The following WDFY3 variants were observed in gnomAD, a reference collection of about 807,000 sequenced individuals.
WDFY3 encodes WD repeat and FYVE domain-containing protein 3.
A neutral mutation model predicts 409.6 loss-of-function variants in WDFY3; 66 were observed. The ratio of observed to expected loss-of-function variants is 0.16; its 90% CI spans 0.13 to 0.20. The LOEUF (loss-of-function observed/expected upper bound fraction) is 0.20, where lower values mean the gene tolerates loss of function less well. WDFY3 is among the 10% of genes least tolerant of loss of function. WDFY3 has a pLI of 1.00. For synonymous variants in WDFY3, 1,521 were observed against 1,537.1 expected (o/e 0.99, Z 0.25); for missense variants, 3,031 against 4,298.1 (o/e 0.71, Z 8.24).
chr4:84,715,424 G>T, intron 49 of WDFY3, 41 bp from the exon 50 acceptor site: 2 of 1,108,546 alleles, frequency 1.8e-6, no homozygotes, highest in Non-Finnish European at 2.7e-6. Flanking sequence ...AAAAACAGAA[G>T]TTCACAAATA....
intron 1 of WDFY3, among the ~76,000 whole-genome samples, chr4:84,960,304 C>T (rs1338671121): frequency 6.6e-6 from 1 of 152,158 alleles, no homozygotes; most frequent in Non-Finnish European, 1.5e-5. Context: ...TCCTGGAAGT[C>T]CTTCCAAACT....
chr4:84,914,017 T>C (rs1277075974), intron 2 of WDFY3, among the ~76,000 whole-genome samples: 2 of 152,178 alleles, frequency 1.3e-5, no homozygotes, highest in African/African-American at 4.8e-5. Context: ...TCCTGATGAT[T>C]TTCTTAGTAA....
At chr4:84,907,306 T>C (rs981072380) in intron 2 of WDFY3, among the ~76,000 whole-genome samples, 9 of 152,174 alleles carry the variant, frequency 5.9e-5, no homozygotes, top group Non-Finnish European at 1.3e-4. Context: ...AGTGACTATG[T>C]GTGACCAGAT....
chr4:84,696,619 A>T (rs1730196767), intron 57 of WDFY3, 113 bp downstream of exon 57: 1 of 1,019,694 alleles, frequency 9.8e-7, no homozygotes, highest in African/African-American at 1.6e-5. Flanking sequence ...AGATAAGGGG[A>T]CCTGGCTGTA....
chr4:84,721,997 A>C (rs139212462), intron 46 of WDFY3, among the ~76,000 whole-genome samples: 4 of 152,364 alleles, frequency 2.6e-5, no homozygotes, highest in African/African-American at 9.6e-5. Context: ...ACAGAAAGCT[A>C]TAATAGTAAG....
chr4:84,786,054 G>A lies in WDFY3; in HGVS notation c.3987C>T (p.Leu1329=), dbSNP rs775485845. ...TTGCCACTGTTAGAGACGACACAGA[G>A]AGTGCATAGAGGCCAAATGACACTT... The part of the protein sequence containing the change: ...EEKVSFGLYA[L]SVSSLTVARI... Residue 1329 remains leucine, a synonymous_variant, in exon 24 of 68, where the codon CTC becomes CTT. Transcript: ENST00000295888. 4 of 1,613,926 alleles carry A rather than the reference G, an allele frequency of 2.5e-6. No individual in the cohort carries two copies. The highest frequency in any genetic ancestry group is 3.4e-6 in the Non-Finnish European group (4 of 1,179,970).
At chr4:84,727,490 T>C (rs1286845847) in intron 44 of WDFY3, among the ~76,000 whole-genome samples, 1 of 152,110 alleles carries the variant, frequency 6.6e-6, no homozygotes, top group Non-Finnish European at 1.5e-5. Context: ...AAGCAGAGGG[T>C]AGACTGGATC....
rs1307941321 is a variant in WDFY3 at position 84,817,463 on chromosome 4, T to G, written c.1816A>C (p.Met606Leu). ...TGCATTAGCCCCAGGAGAGTGCCCA[T>G]GTCATCGTCCCCATTTGGGGAGAGC... ...LVLSPNGDDD[M>L]GTLLGLMHSA... Residue 606 changes from methionine to leucine, a missense_variant, in exon 13 of 68, where the codon ATG becomes CTG. This residue lies in a region of WDFY3 where 1,322 missense variants were observed against 1,697.9 expected (regional missense o/e 0.78). Transcript: ENST00000295888. 6.2e-7 allele frequency: 1 copy of G among 1,613,844 alleles called. No individual in the cohort carries two copies. Among genetic ancestry groups the G allele is most frequent in the Admixed American group, 1.7e-5 (1 of 59,992 alleles).
At chr4:84,919,674 G>A (rs1430350856) in intron 2 of WDFY3, among the ~76,000 whole-genome samples, 1 of 152,074 alleles carries the variant, frequency 6.6e-6, no homozygotes, top group Non-Finnish European at 1.5e-5. Flanking sequence ...TTTCTCTTTT[G>A]CTCGGCACTT....
chr4:84,789,604 A>G (rs888104600), intron 22 of WDFY3, 122 bp downstream of exon 22: 12 of 1,094,254 alleles, frequency 1.1e-5, no homozygotes, highest in Non-Finnish European at 1.5e-5. Flanking sequence ...ACTTAAAATT[A>G]AGAAAGTAAT....
intron 2 of WDFY3, among the ~76,000 whole-genome samples, chr4:84,924,571 A>G (rs183901360): frequency 3.4e-4 from 52 of 152,342 alleles, no homozygotes; most frequent in African/African-American, 1.2e-3. Flanking sequence ...AAAACAGAAC[A>G]TTGAGAATAA....
chr4:84,926,074 C>T (rs1369404557), intron 2 of WDFY3, among the ~76,000 whole-genome samples: 1 of 147,590 alleles, frequency 6.8e-6, no homozygotes, highest in Non-Finnish European at 1.5e-5. Context: ...TGGAGTATAG[C>T]GTGATGTCGG....
At chr4:84,705,579 G>C in intron 53 of WDFY3, 68 bp from the exon 54 acceptor site, 1 of 1,219,880 alleles carries the variant, frequency 8.2e-7, no homozygotes, top group Non-Finnish European at 1.2e-6. Flanking sequence ...CGTAGATACA[G>C]TGGCTGTTGT....
chr4:84,731,478 C>T (rs1425858317), intron 44 of WDFY3, among the ~76,000 whole-genome samples: 2 of 152,212 alleles, frequency 1.3e-5, no homozygotes, highest in South Asian at 2.1e-4. Flanking sequence ...ATTCTACATT[C>T]TGTACCTGTC....
chr4:84,944,354 A>G (rs1315528909), intron 1 of WDFY3, among the ~76,000 whole-genome samples: 1 of 151,940 alleles, frequency 6.6e-6, no homozygotes, highest in African/African-American at 2.4e-5. Flanking sequence ...ATTCTCTACG[A>G]AAAAAATTAA....
chr4:84,787,239 C>T (rs954089957), intron 23 of WDFY3, among the ~76,000 whole-genome samples: 4 of 152,066 alleles, frequency 2.6e-5, no homozygotes, highest in Non-Finnish European at 5.9e-5. Context: ...ATACCTATAT[C>T]TCAGAGCCAG....
At chr4:84,816,997 C>T (rs1578657569) in intron 13 of WDFY3, among the ~76,000 whole-genome samples, 1 of 152,138 alleles carries the variant, frequency 6.6e-6, no homozygotes, top group Non-Finnish European at 1.5e-5. Context: ...ACTAGAATAT[C>T]CATTACTTAC....
At chr4:84,835,326 C>T (rs182590826) in intron 7 of WDFY3, among the ~76,000 whole-genome samples, 9 of 152,258 alleles carry the variant, frequency 5.9e-5, no homozygotes, top group Admixed American at 2.0e-4. Context: ...CCACATTCAT[C>T]GGCAATATCT....
In WDFY3 at chr4:84,839,135, T is replaced by A. The variant is rs1484852142; in HGVS notation, c.414+2019A>T. Among the ~76,000 whole-genome samples the A allele has an allele frequency of 3.3e-5, 5 of 152,336 alleles. No homozygotes were observed. In the East Asian group the frequency reaches 7.7e-4, roughly 23 times the overall value. On this transcript the variant is annotated intron_variant, in intron 6 of 67. Coordinates refer to ENST00000295888, the MANE Select transcript of WDFY3 (RefSeq NM_014991.6). ...ATTGTAGATAGATTTAAAGTATAACTTGGCATCTAAACTTGTAATTTTTTA... is the reference window on the plus strand; with the variant it reads ...ATTGTAGATAGATTTAAAGTATAACATGGCATCTAAACTTGTAATTTTTTA...
Sources: gnomAD v4.1 joint callset for allele counts (sites outside exome capture counted in the v4.1 genomes callset) on GRCh38, gnomAD v4.1.1 for gene constraint, gnomAD v4.1.1 regional missense constraint, MANE v1.5 for transcripts, NCBI Gene and HGNC (gene_info 2026-07-23, HGNC 2026-07-21) for gene names.